KCNMA1: variants seen among roughly 807,000 people sequenced by gnomAD.
KCNMA1 encodes the protein Calcium-activated potassium channel subunit alpha-1.
KCNMA1 carries 29 observed loss-of-function variants against 140.0 expected under a neutral mutation model. The observed-to-expected ratio is 0.21, with a 90% CI of 0.15 to 0.28. The LOEUF (loss-of-function observed/expected upper bound fraction) is 0.28, where lower values mean the gene tolerates loss of function less well. Among genes scored for constraint, KCNMA1 ranks in the 10% least tolerant of loss-of-function variants. The probability of loss-of-function intolerance (pLI) is 1.00; values close to 1 mark genes in which losing one functional copy is unlikely to be tolerated. For synonymous variants in KCNMA1, 612 were observed against 611.9 expected (o/e 1.00, Z 0.00); for missense variants, 880 against 1,602.2 (o/e 0.55, Z 7.70).
intron 1 of KCNMA1, among the ~76,000 whole-genome samples, chr10:77,440,994 G>GT (rs34419689): frequency 0.13 from 19,391 of 149,536 alleles, 2,557 homozygotes; most frequent in African/African-American, 0.34. Flanking sequence ...AATTTTTTCT[G>GT]TTTTTTTTTC....
chr10:77,618,921 G>T (rs1004423251), intron 1 of KCNMA1, among the ~76,000 whole-genome samples: 4 of 152,208 alleles, frequency 2.6e-5, no homozygotes, highest in African/African-American at 9.7e-5. Context: ...GAAAAGAGAA[G>T]TCCGGCAGTG....
chr10:77,491,811 T>G (rs2040031900), intron 1 of KCNMA1, among the ~76,000 whole-genome samples: 1 of 151,984 alleles, frequency 6.6e-6, no homozygotes, highest in African/African-American at 2.4e-5. Context: ...AGCAAAGCAC[T>G]TTGCAAGTAG....
intron 1 of KCNMA1, among the ~76,000 whole-genome samples, chr10:77,602,204 G>A (rs1320903149): frequency 1.3e-5 from 2 of 152,178 alleles, no homozygotes; most frequent in Non-Finnish European, 2.9e-5. Flanking sequence ...GGGAGACGGG[G>A]ATGCGCTTGT....
intron 1 of KCNMA1, among the ~76,000 whole-genome samples, chr10:77,470,498 C>A (rs991899602): frequency 6.6e-6 from 1 of 151,912 alleles, no homozygotes; most frequent in African/African-American, 2.4e-5. Flanking sequence ...GATCCTGTCC[C>A]CACATGAGGG....
chr10:77,341,787 C>G (rs2090993113), intron 2 of KCNMA1, among the ~76,000 whole-genome samples: 1 of 152,246 alleles, frequency 6.6e-6, no homozygotes, highest in African/African-American at 2.4e-5. Context: ...GAAGGAAACG[C>G]TGGGTCCACC....
chr10:77,385,252 C>T (rs894970934), intron 2 of KCNMA1, among the ~76,000 whole-genome samples: 15 of 152,202 alleles, frequency 9.9e-5, no homozygotes, highest in African/African-American at 3.4e-4. Flanking sequence ...CTTCAAATTT[C>T]ATTTTCACAG....
chr10:77,015,677 C>G (rs1422447170), intron 17 of KCNMA1, among the ~76,000 whole-genome samples: 1 of 152,094 alleles, frequency 6.6e-6, no homozygotes, highest in East Asian at 1.9e-4. Context: ...TTCCTACTAC[C>G]CAAAACTTGC....
chr10:77,352,124 G>A (rs2092956800), intron 2 of KCNMA1, among the ~76,000 whole-genome samples: 1 of 152,234 alleles, frequency 6.6e-6, no homozygotes, highest in Admixed American at 6.5e-5. Context: ...TAAAACACGT[G>A]AAATGTGCTG....
rs199595598 is a variant in KCNMA1, at chr10:77,073,265, A to G, written c.1594-13T>C. 6.2e-7 allele frequency: 1 copy of G among 1,613,944 alleles called. No homozygotes were observed. Among genetic ancestry groups the G allele is most frequent in the South Asian group, 1.1e-5 (1 of 91,062 alleles). On this transcript the variant is annotated splice_polypyrimidine_tract_variant and intron_variant, in intron 13 of 27. Coordinates refer to ENST00000286628, the MANE Select transcript of KCNMA1 (RefSeq NM_001161352.2). ...TTAGCAGATGGGCCTGGGGAAAGAA[A>G]AGCAGGTATGAGACCTTGCTCTGTT...
At chr10:77,482,923 C>T (rs2098414969) in intron 1 of KCNMA1, among the ~76,000 whole-genome samples, 1 of 151,070 alleles carries the variant, frequency 6.6e-6, no homozygotes, top group East Asian at 1.9e-4. Flanking sequence ...TCCTTTCCTC[C>T]TTCCCTTTCT....
At chr10:77,012,611 C>T (rs904314379) in intron 17 of KCNMA1, 1 of 1,414,006 alleles carries the variant, frequency 7.1e-7, no homozygotes, top group Admixed American at 2.0e-5. Flanking sequence ...CTGTCAAACC[C>T]CCTCTGGAGT....
At chr10:77,190,225 C>A (rs1041611719) in intron 3 of KCNMA1, among the ~76,000 whole-genome samples, 2 of 152,170 alleles carry the variant, frequency 1.3e-5, no homozygotes, top group East Asian at 3.9e-4. Context: ...GAAAAAAATT[C>A]TAAACTGCCT....
intron 1 of KCNMA1, among the ~76,000 whole-genome samples, chr10:77,439,148 AAAAG>A (rs879924545): frequency 0.046 from 4,765 of 102,704 alleles, 89 homozygotes; most frequent in Non-Finnish European, 0.054. Context: ...AAGAGAAGAG[AAAAG>A]AGAAGAGAAG....
At chr10:77,223,524 C>T (rs1227930124) in intron 3 of KCNMA1, among the ~76,000 whole-genome samples, 1 of 152,146 alleles carries the variant, frequency 6.6e-6, no homozygotes, top group East Asian at 1.9e-4. Context: ...CCCATGACAT[C>T]CAAGATGGGA....
chr10:77,309,738 G>A (rs2078762483), intron 2 of KCNMA1: 1 of 152,246 alleles, frequency 6.6e-6, no homozygotes, highest in Non-Finnish European at 1.5e-5. Flanking sequence ...CCAGGCTCAA[G>A]GAACAGCCTC....
intron 19 of KCNMA1, among the ~76,000 whole-genome samples, chr10:76,976,160 T>C (rs969556621): frequency 3.3e-5 from 5 of 152,190 alleles, no homozygotes; most frequent in African/African-American, 1.2e-4. Context: ...AATGTCTAAG[T>C]GACCTGTACT....
chr10:77,618,978 C>T (rs1352527011), intron 1 of KCNMA1, among the ~76,000 whole-genome samples: 1 of 152,056 alleles, frequency 6.6e-6, no homozygotes, highest in Non-Finnish European at 1.5e-5. Flanking sequence ...AAAGGTTTAA[C>T]GAAATGAAGG....
chr10:76,909,581 C>T (rs901348637), intron 25 of KCNMA1, among the ~76,000 whole-genome samples: 1 of 151,618 alleles, frequency 6.6e-6, no homozygotes, highest in Admixed American at 6.6e-5. Flanking sequence ...AGCCTCAGGT[C>T]CCCCCCAACA....
chr10:77,574,044 C>T (rs1416467882), intron 1 of KCNMA1, among the ~76,000 whole-genome samples: 1 of 151,958 alleles, frequency 6.6e-6, no homozygotes, highest in Non-Finnish European at 1.5e-5. Flanking sequence ...CCATGTTGGC[C>T]AGGCTGGTCT....
Sources: allele counts gnomAD v4.1 joint callset (sites outside exome capture counted in the v4.1 genomes callset), GRCh38; gene constraint gnomAD v4.1.1; transcripts MANE v1.5; gene names NCBI Gene and HGNC (gene_info 2026-07-23, HGNC 2026-07-21).